Variants in TP53BP1 observed in about 807,000 individuals in gnomAD.
TP53BP1 encodes TP53-binding protein 1.
A neutral mutation model predicts 200.8 loss-of-function variants in TP53BP1; 61 were observed. The ratio of observed to expected loss-of-function variants is 0.30; its 90% CI spans 0.25 to 0.38. The LOEUF is 0.38. Ranked by LOEUF, TP53BP1 falls within the 10% of genes least tolerant of loss-of-function variation. The pLI is 1.00. For missense variants in TP53BP1, 2,144 were observed against 2,371.9 expected (o/e 0.90, Z 2.00); for synonymous variants, 822 against 844.3 (o/e 0.97, Z 0.46).
chr15:43,426,632 T>C (rs764326253), intron 18 of TP53BP1, among the ~76,000 whole-genome samples: 2 of 151,904 alleles, frequency 1.3e-5, no homozygotes, highest in African/African-American at 2.4e-5. Flanking sequence ...AATAAAACTA[T>C]ACACTAGAGT....
intron 15 of TP53BP1, among the ~76,000 whole-genome samples, chr15:43,441,035 T>G (rs1192970949): frequency 6.6e-6 from 1 of 152,158 alleles, no homozygotes; most frequent in Non-Finnish European, 1.5e-5. Context: ...AACCTCAGTA[T>G]GGGGTCATAC....
intron 11 of TP53BP1, among the ~76,000 whole-genome samples, chr15:43,459,646 A>C (rs2046383252): frequency 2.0e-5 from 3 of 152,032 alleles, no homozygotes; most frequent in Non-Finnish European, 4.4e-5. Flanking sequence ...TCCTGATTCC[A>C]ATTGCATGAA....
chr15:43,447,997 C>A (rs1339834955), intron 12 of TP53BP1, among the ~76,000 whole-genome samples: 1 of 152,068 alleles, frequency 6.6e-6, no homozygotes, highest in Non-Finnish European at 1.5e-5. Context: ...GAGGATCTCA[C>A]GGGTTAAAGG....
At position 43,477,499 on chromosome 15, in the gene TP53BP1, A is replaced by G; in HGVS notation, c.955+94T>C. 7 of 1,282,518 alleles carry G rather than the reference A, an allele frequency of 5.5e-6. No homozygotes were observed. In the South Asian group the frequency reaches 1.4e-4, roughly 26 times the overall value. 79.4% of individuals were successfully genotyped at this position (1,282,518 alleles called of 1,614,324 possible). Reference sequence around the variant, plus strand: ...ATATCACAAACAAGTCTGCAAACCTATAAAATGCTTTGTAACTTAACCAGT... The same window carrying G: ...ATATCACAAACAAGTCTGCAAACCTGTAAAATGCTTTGTAACTTAACCAGT... On this transcript the variant is annotated intron_variant, in intron 8 of 27. Transcript: ENST00000382044.
rs768231795 is a variant in TP53BP1 at position 43,407,371 on chromosome 15, G to T, written c.*12C>A. Reference sequence around the variant, plus strand: ...CGATAGCAGGGAATAAAACCAGTAAGACCAAGTATCTTTAGTGAGAAACAT... The same window carrying T: ...CGATAGCAGGGAATAAAACCAGTAATACCAAGTATCTTTAGTGAGAAACAT... On this transcript the variant is annotated 3_prime_UTR_variant, in exon 28 of 28. Transcript: ENST00000382044. The T allele has an allele frequency of 6.2e-7, 1 of 1,612,928 alleles. No homozygotes were observed. Among genetic ancestry groups the T allele is most frequent in the East Asian group, 2.2e-5 (1 of 44,876 alleles).
Position 43,457,092 on chromosome 15 carries a change from G to A in TP53BP1, c.1516C>T (p.Pro506Ser), listed in dbSNP as rs371845645. ...GTCAAAGATAGCCCAAGATCCTCAG[G>A]GGAATTCTTTGGTTCAATCTCTGAA... Reference protein sequence around the residue: ...KTSEIEPKNSPEDLGLSLTGD... With the variant: ...KTSEIEPKNSSEDLGLSLTGD... The change falls in exon 12 of 28, where the codon CCT becomes TCT. Residue 506 changes from proline (P) to serine (S), a missense_variant. Coordinates refer to ENST00000382044, the MANE Select transcript of TP53BP1 (RefSeq NM_001141980.3). 1.2e-6 allele frequency: 2 copies of A among 1,614,104 alleles called. No homozygotes were observed. Among genetic ancestry groups the A allele is most frequent in the Admixed American group, 3.3e-5 (2 of 60,014 alleles).
chr15:43,508,376 G>A (rs146854023), intron 1 of TP53BP1, among the ~76,000 whole-genome samples: 135 of 152,158 alleles, frequency 8.9e-4, no homozygotes, highest in Non-Finnish European at 1.6e-3. Flanking sequence ...AAAATTTCTG[G>A]GCTGGGAACA....
intron 2 of TP53BP1, 48 bp from the exon 3 acceptor site, chr15:43,492,143 A>C (rs1361171055): frequency 4.6e-6 from 7 of 1,532,710 alleles, no homozygotes; most frequent in Non-Finnish European, 6.3e-6. Flanking sequence ...GAAATAGTTC[A>C]AAATGAAACC....
rs777407324 is a variant in TP53BP1, at chr15:43,407,965, G to A, written c.5724C>T (p.His1908=). 7 of 1,613,496 alleles carry A rather than the reference G, an allele frequency of 4.3e-6. No individual in the cohort carries two copies. Among genetic ancestry groups the A allele is most frequent in the African/African-American group, 1.3e-5 (1 of 74,910 alleles). ...TACCTTTGTTATGGGCACTTGAATG[G>A]TGCTGCTTCACAGAGGCTGCACCAC... ...MTGGAASVKQ[H]HSSAHNKDIA... is the part of the protein sequence containing the mutation. The change falls in exon 27 of 28, where the codon CAC becomes CAT. Residue 1908 remains histidine, a synonymous_variant. Transcript: ENST00000382044.
chr15:43,489,345 C>A (rs1426637125), intron 4 of TP53BP1, among the ~76,000 whole-genome samples: 1 of 152,216 alleles, frequency 6.6e-6, no homozygotes, highest in Non-Finnish European at 1.5e-5. Flanking sequence ...GCTTCATTCA[C>A]AATGAGGGAC....
intron 12 of TP53BP1, among the ~76,000 whole-genome samples, chr15:43,451,458 GT>G (rs1276080956): frequency 2.0e-5 from 3 of 151,924 alleles, no homozygotes; most frequent in Admixed American, 2.0e-4. Flanking sequence ...CCTTGCGATA[GT>G]TTACTGAGAA....
At chr15:43,476,769 TA>T (rs1384515158) in intron 8 of TP53BP1, among the ~76,000 whole-genome samples, 1 of 152,210 alleles carries the variant, frequency 6.6e-6, no homozygotes, top group Non-Finnish European at 1.5e-5. Context: ...GTTTTGCTGG[TA>T]ATTAACTCAA....
chr15:43,437,750 C>T (rs537115), intron 16 of TP53BP1, among the ~76,000 whole-genome samples: 42,831 of 152,130 alleles, frequency 0.28, 10,240 homozygotes, highest in African/African-American at 0.65. Context: ...CCAGAATACA[C>T]TATAGTCCCT....
chr15:43,478,301 T>C (rs181042732), intron 7 of TP53BP1, among the ~76,000 whole-genome samples: 2 of 152,314 alleles, frequency 1.3e-5, no homozygotes, highest in Admixed American at 6.5e-5. Flanking sequence ...CAGAGACTTA[T>C]GAGGTTCACC....
chr15:43,469,325 T>TA (rs1313473915), intron 11 of TP53BP1, among the ~76,000 whole-genome samples: 4 of 152,176 alleles, frequency 2.6e-5, no homozygotes, highest in Non-Finnish European at 5.9e-5. Context: ...CACATCTACT[T>TA]AGAGAAATAA....
At chr15:43,408,119 T>C (rs2044979327) in intron 26 of TP53BP1, 31 bp from the exon 27 acceptor site, 1 of 1,605,740 alleles carries the variant, frequency 6.2e-7, no homozygotes. Context: ...GACCTTAGCA[T>C]GACAAGTAAT....
At chr15:43,441,637 G>A in intron 14 of TP53BP1, 54 bp from the exon 15 acceptor site, 3 of 1,218,464 alleles carry the variant, frequency 2.5e-6, no homozygotes, top group Non-Finnish European at 3.7e-6. Context: ...AATTTAGTTA[G>A]TATCACACCT....
rs1219983812 is a variant in TP53BP1 at position 43,428,075 on chromosome 15, G to A, written c.3769C>T (p.Arg1257Cys). ...ACATAATACACATCTGTAATGACAC[G>A]AGTGACAAGTGTGCGTACTTCCCGG... is the stretch of plus-strand genomic sequence containing the variant. ...TIREVRTLVTRVITDVYYVDG... is the reference protein window; with the variant it reads ...TIREVRTLVTCVITDVYYVDG... Residue 1257 changes from arginine to cysteine, a missense_variant, in exon 18 of 28, where the codon CGT becomes TGT. Around this residue, in one of 4 missense-constraint regions of TP53BP1, gnomAD observed 1,700 missense variants for 1,710.3 expected, o/e 0.99. Coordinates refer to ENST00000382044, the MANE Select transcript of TP53BP1 (RefSeq NM_001141980.3). 2.5e-6 allele frequency: 4 copies of A among 1,612,296 alleles called. No individual in the cohort carries two copies. The highest frequency in any genetic ancestry group is 1.7e-5 in the Admixed American group (1 of 59,970).
intron 10 of TP53BP1, 131 bp from the exon 11 acceptor site, chr15:43,470,197 A>C (rs1238429932): frequency 7.9e-6 from 6 of 764,242 alleles, no homozygotes; most frequent in Non-Finnish European, 1.3e-5. Flanking sequence ...TTTTCAGAAA[A>C]GCTGACAGAA....
Sources: gnomAD v4.1 joint callset for allele counts (sites outside exome capture counted in the v4.1 genomes callset) on GRCh38, gnomAD v4.1.1 for gene constraint, gnomAD v4.1.1 regional missense constraint, MANE v1.5 for transcripts, NCBI Gene and HGNC (gene_info 2026-07-23, HGNC 2026-07-21) for gene names.